The following SHISA9 variants were observed in gnomAD, a reference collection of about 807,000 sequenced individuals.
The protein encoded by SHISA9 is protein shisa-9.
SHISA9 carries 13 observed loss-of-function variants against 38.0 expected under a neutral mutation model. That is an observed-to-expected ratio of 0.34 (90% CI 0.22 to 0.54). SHISA9 has a LOEUF of 0.54. Ranked by LOEUF, SHISA9 falls within the 20% of genes least tolerant of loss-of-function variation. The pLI, the probability that SHISA9 is intolerant of heterozygous loss-of-function variation, is 0.91. For missense variants in SHISA9, 538 were observed against 575.8 expected (o/e 0.93, Z 0.67); for synonymous variants, 275 against 242.0 (o/e 1.14, Z -1.27).
the SHISA9 span, chr16:13,563,002 T>C: frequency 6.6e-6 from 1 of 152,108 alleles, no homozygotes; most frequent in Admixed American, 6.5e-5. Context: ...ATTAAAGGAG[T>C]TGCGTGTTAA....
the SHISA9 span, among the ~76,000 whole-genome samples, chr16:13,469,442 A>G: frequency 0.029 from 4,316 of 150,858 alleles, 162 homozygotes; most frequent in East Asian, 0.2. Context: ...AAAGAGAAAG[A>G]AAGAGAAAGA....
the SHISA9 span, among the ~76,000 whole-genome samples, chr16:13,461,477 G>A: frequency 2.0e-5 from 3 of 151,872 alleles, no homozygotes; most frequent in East Asian, 1.9e-4. Flanking sequence ...TACTCGTGAG[G>A]CTGAGGCTGG....
intron 2 of SHISA9, among the ~76,000 whole-genome samples, chr16:13,191,662 A>T (rs977946395): frequency 9.2e-5 from 14 of 152,164 alleles, no homozygotes; most frequent in African/African-American, 3.4e-4. Context: ...TCCAAAATGG[A>T]CTGACTAAAA....
chr16:13,549,554 A>G, the SHISA9 span, among the ~76,000 whole-genome samples: 1,186 of 152,300 alleles, frequency 7.8e-3, 57 homozygotes, highest in East Asian at 0.13. Context: ...TATTTAAGAA[A>G]AAAAAACTCT....
intron 1 of SHISA9, among the ~76,000 whole-genome samples, chr16:12,911,899 A>G (rs2071188825): frequency 6.6e-6 from 1 of 152,268 alleles, no homozygotes; most frequent in Non-Finnish European, 1.5e-5. Context: ...GAGTAATTGC[A>G]GTTTTTGCCA....
chr16:13,308,598 C>T, the SHISA9 span, among the ~76,000 whole-genome samples: 7 of 152,304 alleles, frequency 4.6e-5, no homozygotes, highest in East Asian at 1.4e-3. Flanking sequence ...CCAATTCTAT[C>T]CCACTCCCAC....
At chr16:13,221,225 C>T (rs1294993282) in intron 4 of SHISA9, among the ~76,000 whole-genome samples, 2 of 152,100 alleles carry the variant, frequency 1.3e-5, no homozygotes, top group Admixed American at 6.5e-5. Flanking sequence ...GTGCAGCCTC[C>T]GCTACTTGTG....
chr16:13,120,899 C>T (rs558996611), intron 2 of SHISA9, among the ~76,000 whole-genome samples: 79 of 152,234 alleles, frequency 5.2e-4, no homozygotes, highest in Non-Finnish European at 7.5e-4. Context: ...GGATTAAGAA[C>T]TTTTTTTAAG....
chr16:13,296,403 T>A, the SHISA9 span, among the ~76,000 whole-genome samples: 1 of 151,908 alleles, frequency 6.6e-6, no homozygotes, highest in Non-Finnish European at 1.5e-5. Context: ...TTGCTGTGCG[T>A]GCTGTTTTTG....
At chr16:13,367,710 G>GCACACACA in the SHISA9 span, among the ~76,000 whole-genome samples, 17 of 90,576 alleles carry the variant, frequency 1.9e-4, no homozygotes, top group African/African-American at 5.5e-4. Flanking sequence ...GCGCGCGCGC[G>GCACACACA]CGCACACACA....
chr16:12,968,050 T>C (rs980182766), intron 2 of SHISA9, among the ~76,000 whole-genome samples: 9 of 151,758 alleles, frequency 5.9e-5, no homozygotes, highest in East Asian at 1.9e-4. Flanking sequence ...ATTAGCCGGA[T>C]GTGGTGGCAC....
chr16:12,970,329 ATATATATATATATACATATATGTG>A (rs1417217723), intron 2 of SHISA9, among the ~76,000 whole-genome samples: 1 of 45,432 alleles, frequency 2.2e-5, no homozygotes, highest in African/African-American at 1.1e-4. Context: ...ATATATACAT[ATATATATATATATACATATATGTG>A]TATATATATA....
chr16:13,111,414 A>C (rs2073977049), intron 2 of SHISA9, among the ~76,000 whole-genome samples: 1 of 151,744 alleles, frequency 6.6e-6, no homozygotes, highest in Non-Finnish European at 1.5e-5. Context: ...CAGATGGCAG[A>C]CTCCCTGAGT....
chr16:13,175,515 C>T (rs1423838367), intron 2 of SHISA9, among the ~76,000 whole-genome samples: 1 of 152,230 alleles, frequency 6.6e-6, no homozygotes, highest in African/African-American at 2.4e-5. Flanking sequence ...TGAGACACGC[C>T]CAGGTGAGGG....
the SHISA9 span, among the ~76,000 whole-genome samples, chr16:13,267,264 G>A: frequency 2.0e-5 from 3 of 152,048 alleles, no homozygotes; most frequent in African/African-American, 4.8e-5. Flanking sequence ...ATCACAAGGA[G>A]GAATCAAAAT....
At chr16:13,101,390 T>C (rs1312615290) in intron 2 of SHISA9, among the ~76,000 whole-genome samples, 1 of 152,174 alleles carries the variant, frequency 6.6e-6, no homozygotes, top group Non-Finnish European at 1.5e-5. Flanking sequence ...CCTAAATATA[T>C]ACAATTTTAA....
intron 4 of SHISA9, among the ~76,000 whole-genome samples, chr16:13,220,510 A>G (rs759000267): frequency 4.6e-5 from 7 of 152,204 alleles, no homozygotes; most frequent in Non-Finnish European, 8.8e-5. Context: ...AATTATCTAC[A>G]TTGACATGGT....
At chr16:13,288,450 A>G in the SHISA9 span, among the ~76,000 whole-genome samples, 1 of 151,870 alleles carries the variant, frequency 6.6e-6, no homozygotes, top group Admixed American at 6.6e-5. Flanking sequence ...AGAGAGAAAA[A>G]GGGAGAGAGG....
the SHISA9 span, among the ~76,000 whole-genome samples, chr16:13,371,250 A>G: frequency 6.6e-6 from 1 of 152,310 alleles, no homozygotes; most frequent in African/African-American, 2.4e-5. Context: ...TTCAACAACT[A>G]TTCAGTCTGC....
Sources: allele counts gnomAD v4.1 joint callset (sites outside exome capture counted in the v4.1 genomes callset), GRCh38; gene constraint gnomAD v4.1.1; transcripts MANE v1.5; gene names NCBI Gene and HGNC (gene_info 2026-07-23, HGNC 2026-07-21).